The following ENPP6 variants were observed in gnomAD, a reference collection of about 807,000 sequenced individuals.
ENPP6 encodes the protein ectonucleotide pyrophosphatase/phosphodiesterase 6, also known as glycerophosphocholine cholinephosphodiesterase ENPP6.
Under a neutral mutation model 42.0 loss-of-function variants are expected in ENPP6, and 32 were observed. That is an observed-to-expected ratio of 0.76 (90% CI 0.58 to 1.02). ENPP6 has a LOEUF of 1.02. Ranked by LOEUF, ENPP6 falls within the 50% of genes least tolerant of loss-of-function variation. The pLI is 0.00. For missense variants in ENPP6, 552 were observed against 566.8 expected (o/e 0.97, Z 0.27); for synonymous variants, 213 against 216.0 (o/e 0.99, Z 0.12).
intron 5 of ENPP6, among the ~76,000 whole-genome samples, chr4:184,113,218 A>C (rs772217071): frequency 2.0e-5 from 3 of 152,094 alleles, no homozygotes; most frequent in Non-Finnish European, 4.4e-5. Context: ...AGCTACAAAC[A>C]CTCCTGGAAG....
At chr4:184,140,433 T>A (rs1416596920) in intron 2 of ENPP6, among the ~76,000 whole-genome samples, 1 of 151,578 alleles carries the variant, frequency 6.6e-6, no homozygotes, top group Non-Finnish European at 1.5e-5. Flanking sequence ...CATTGCCAAG[T>A]CAATCCTAAG....
At chr4:184,166,937 G>A (rs1737358931) in intron 1 of ENPP6, among the ~76,000 whole-genome samples, 1 of 152,238 alleles carries the variant, frequency 6.6e-6, no homozygotes, top group Non-Finnish European at 1.5e-5. Flanking sequence ...GCCTGCAGGT[G>A]GTGGGAGTAC....
intron 7 of ENPP6, among the ~76,000 whole-genome samples, chr4:184,092,008 C>T (rs1318609812): frequency 6.6e-6 from 1 of 152,204 alleles, no homozygotes; most frequent in Non-Finnish European, 1.5e-5. Flanking sequence ...TGATGCTGCT[C>T]CATGTCTGCA....
chr4:184,096,558 G>T (rs1735904127), intron 7 of ENPP6, among the ~76,000 whole-genome samples: 1 of 152,132 alleles, frequency 6.6e-6, no homozygotes, highest in African/African-American at 2.4e-5. Context: ...CAGAGTGTTT[G>T]GCAAACTTTT....
chr4:184,101,968 T>G (rs1260247499), intron 6 of ENPP6, among the ~76,000 whole-genome samples: 1 of 152,218 alleles, frequency 6.6e-6, no homozygotes, highest in Non-Finnish European at 1.5e-5. Context: ...GGTGCCTGCA[T>G]TCTCTCTGGG....
intron 1 of ENPP6, among the ~76,000 whole-genome samples, chr4:184,177,069 C>A (rs925305126): frequency 6.6e-6 from 1 of 152,190 alleles, no homozygotes; most frequent in East Asian, 1.9e-4. Context: ...CAGAGCTGTG[C>A]AGATTCTCAG....
At chr4:184,113,456 C>T (rs907694556) in intron 5 of ENPP6, among the ~76,000 whole-genome samples, 41 of 152,250 alleles carry the variant, frequency 2.7e-4, no homozygotes, top group African/African-American at 7.5e-4. Context: ...TCCCAGGTAA[C>T]GGTAATGTCC....
intron 1 of ENPP6, among the ~76,000 whole-genome samples, chr4:184,180,119 A>T (rs1732529183): frequency 6.6e-6 from 1 of 152,096 alleles, no homozygotes; most frequent in African/African-American, 2.4e-5. Context: ...ATAGACCACT[A>T]GCTAGACTAA....
intron 1 of ENPP6, among the ~76,000 whole-genome samples, chr4:184,190,805 G>A (rs1012650754): frequency 2.0e-5 from 3 of 152,134 alleles, no homozygotes; most frequent in Admixed American, 6.5e-5. Context: ...TATCCCAGAT[G>A]TGACTTATCA....
chr4:184,190,155 G>C (rs928410622), intron 1 of ENPP6, among the ~76,000 whole-genome samples: 3 of 152,178 alleles, frequency 2.0e-5, no homozygotes, highest in African/African-American at 7.2e-5. Context: ...TCTGTTATAA[G>C]TGGCTTGAAC....
At chr4:184,172,888 T>C (rs1737492744) in intron 1 of ENPP6, among the ~76,000 whole-genome samples, 1 of 152,042 alleles carries the variant, frequency 6.6e-6, no homozygotes, top group Non-Finnish European at 1.5e-5. Flanking sequence ...AACAGAACGA[T>C]ATTTATCCAG....
chr4:184,167,157 C>A (rs942818713), intron 1 of ENPP6, among the ~76,000 whole-genome samples: 1 of 152,162 alleles, frequency 6.6e-6, no homozygotes, highest in African/African-American at 2.4e-5. Flanking sequence ...ACTCTGGTGC[C>A]CAGGCTGGAG....
chr4:184,195,198 G>C (rs1277687275), intron 1 of ENPP6, among the ~76,000 whole-genome samples: 1 of 152,020 alleles, frequency 6.6e-6, no homozygotes, highest in African/African-American at 2.4e-5. Flanking sequence ...GTGTCACGTG[G>C]GTTTGTTGTA....
At chr4:184,192,793 A>T (rs905882613) in intron 1 of ENPP6, among the ~76,000 whole-genome samples, 1 of 152,268 alleles carries the variant, frequency 6.6e-6, no homozygotes, top group Non-Finnish European at 1.5e-5. Context: ...AGGGATTTGT[A>T]TAAACATTTC....
rs4861612 is a variant in ENPP6 at position 184,217,607 on chromosome 4, C to T, written c.213G>A (p.Ser71=). The T allele has an allele frequency of 2.7e-3, 4,421 of 1,614,196 alleles. 206 individuals are homozygous for T. The Admixed American group carries it at 0.07, about 25-fold the overall frequency. ...TCATTAGGGTATAATAATTGGGATA[C>T]GAGAGACTAGGGAAGTCTGGAGTCA... ...DYLTPDFPSL[S]YPNYYTLMTG... Residue 71 remains serine (S), a synonymous_variant, in exon 1 of 8, where the codon TCG becomes TCA. Coordinates refer to ENST00000296741, the MANE Select transcript of ENPP6 (RefSeq NM_153343.4).
chr4:184,153,802 A>G, intron 1 of ENPP6, 69 bp from the exon 2 acceptor site: 1 of 1,538,406 alleles, frequency 6.5e-7, no homozygotes, highest in East Asian at 2.3e-5. Context: ...TTGTTTCTTG[A>G]TCATATAAGC....
At chr4:184,115,576 C>A (rs968786559) in intron 5 of ENPP6, among the ~76,000 whole-genome samples, 7 of 152,158 alleles carry the variant, frequency 4.6e-5, no homozygotes, top group Non-Finnish European at 1.0e-4. Flanking sequence ...ATCATGGTCA[C>A]CGACACATAC....
chr4:184,153,535 T>A lies in ENPP6; in HGVS notation c.421+19A>T. ...CTCTATGATGATTTGAGATTTGGAATGGATGTTCACACACTCACCTGGCCA... is the reference window on the plus strand; with the variant it reads ...CTCTATGATGATTTGAGATTTGGAAAGGATGTTCACACACTCACCTGGCCA... On this transcript the variant is annotated intron_variant, in intron 2 of 7. Transcript: ENST00000296741. The A allele has an allele frequency of 6.3e-7, 1 of 1,597,114 alleles. No homozygotes were observed.
intron 2 of ENPP6, among the ~76,000 whole-genome samples, chr4:184,131,283 C>T (rs1438662095): frequency 1.3e-4 from 16 of 121,450 alleles, no homozygotes; most frequent in Admixed American, 6.6e-4. Flanking sequence ...TTCCTTCCTT[C>T]CTTCCTTCCT....
Sources: gnomAD v4.1 joint callset for allele counts (sites outside exome capture counted in the v4.1 genomes callset) on GRCh38, gnomAD v4.1.1 for gene constraint, MANE v1.5 for transcripts, NCBI Gene and HGNC (gene_info 2026-07-23, HGNC 2026-07-21) for gene names.